The following NKAIN3 variants were observed in gnomAD, a reference collection of about 807,000 sequenced individuals.
The protein encoded by NKAIN3 is sodium/potassium transporting ATPase interacting 3.
A neutral mutation model predicts 30.2 loss-of-function variants in NKAIN3; 25 were observed. That is an observed-to-expected ratio of 0.83 (90% CI 0.60 to 1.16). The LOEUF is 1.16. Ranked by LOEUF, NKAIN3 falls within the 50% of genes most tolerant of loss-of-function variation. The pLI, the probability that NKAIN3 is intolerant of heterozygous loss-of-function variation, is 0.00. For missense variants in NKAIN3, 225 were observed against 254.1 expected (o/e 0.89, Z 0.78); for synonymous variants, 91 against 89.6 (o/e 1.02, Z -0.09).
chr8:62,949,738 A>C (rs1237398500), intron 5 of NKAIN3, among the ~76,000 whole-genome samples: 1 of 151,670 alleles, frequency 6.6e-6, no homozygotes, highest in Non-Finnish European at 1.5e-5. Context: ...TTTTTTTCTA[A>C]AATATATTTT....
At chr8:62,955,102 A>T (rs1197056537) in intron 6 of NKAIN3, among the ~76,000 whole-genome samples, 1 of 152,198 alleles carries the variant, frequency 6.6e-6, no homozygotes, top group East Asian at 1.9e-4. Context: ...AGGATTGAAG[A>T]TCTGAGAAGG....
At chr8:62,928,296 T>C (rs1048350939) in intron 5 of NKAIN3, among the ~76,000 whole-genome samples, 19 of 152,212 alleles carry the variant, frequency 1.2e-4, no homozygotes, top group Admixed American at 1.1e-3. Context: ...ACATTTTTCC[T>C]CATAGAAGGA....
chr8:62,804,390 A>C (rs1818194926), intron 4 of NKAIN3, among the ~76,000 whole-genome samples: 1 of 152,334 alleles, frequency 6.6e-6, no homozygotes, highest in African/African-American at 2.4e-5. Flanking sequence ...ACATTGATGC[A>C]AAAATCCTCA....
intron 4 of NKAIN3, among the ~76,000 whole-genome samples, chr8:62,805,321 C>CA (rs984814343): frequency 3.3e-5 from 5 of 151,492 alleles, no homozygotes; most frequent in African/African-American, 1.2e-4. Flanking sequence ...CATATGGAAC[C>CA]AAAAAAGAGC....
At chr8:62,952,857 A>G (rs1823322106) in intron 5 of NKAIN3, among the ~76,000 whole-genome samples, 1 of 152,294 alleles carries the variant, frequency 6.6e-6, no homozygotes, top group East Asian at 1.9e-4. Flanking sequence ...TGACTTGAGA[A>G]AAGACATTTT....
At chr8:62,834,752 ACTGCC>A (rs1439065114) in intron 4 of NKAIN3, among the ~76,000 whole-genome samples, 1 of 152,068 alleles carries the variant, frequency 6.6e-6, no homozygotes, top group African/African-American at 2.4e-5. Context: ...AAAAGACCAT[ACTGCC>A]CAAAGCAATC....
At chr8:62,446,691 G>T (rs901759199) in intron 1 of NKAIN3, among the ~76,000 whole-genome samples, 2 of 152,012 alleles carry the variant, frequency 1.3e-5, no homozygotes, top group South Asian at 4.1e-4. Flanking sequence ...ACTACGTCAG[G>T]TACCTCATAT....
At chr8:62,882,745 G>A (rs560968826) in intron 4 of NKAIN3, among the ~76,000 whole-genome samples, 1 of 152,154 alleles carries the variant, frequency 6.6e-6, no homozygotes, top group East Asian at 1.9e-4. Flanking sequence ...TAATTTTTAA[G>A]GAGTGTATTC....
At chr8:62,792,556 C>T (rs1035994225) in intron 4 of NKAIN3, among the ~76,000 whole-genome samples, 1 of 4,244 alleles carries the variant, frequency 2.4e-4, no homozygotes, top group Non-Finnish European at 8.4e-4. Flanking sequence ...AAAACATGGT[C>T]CTTGTTCTCA....
chr8:62,672,857 A>T (rs9657077), intron 3 of NKAIN3, among the ~76,000 whole-genome samples: 3,009 of 152,294 alleles, frequency 0.02, 89 homozygotes, highest in African/African-American at 0.068. Flanking sequence ...ATCTAAAAAA[A>T]TTGATTTTTT....
At chr8:62,452,669 A>G (rs1009949065) in intron 1 of NKAIN3, among the ~76,000 whole-genome samples, 3 of 152,208 alleles carry the variant, frequency 2.0e-5, no homozygotes, top group African/African-American at 7.2e-5. Context: ...ACAAAATAAA[A>G]GAGTCTTGAT....
At chr8:62,996,007 G>A (rs943475291) in intron 5 of NKAIN3, among the ~76,000 whole-genome samples, 1 of 152,052 alleles carries the variant, frequency 6.6e-6, no homozygotes, top group Non-Finnish European at 1.5e-5. Flanking sequence ...GAGAACCACT[G>A]GTCCACACCT....
intron 1 of NKAIN3, among the ~76,000 whole-genome samples, chr8:62,354,867 A>G (rs1411448841): frequency 6.6e-6 from 1 of 152,338 alleles, no homozygotes; most frequent in East Asian, 1.9e-4. Context: ...GCAGAGCTGC[A>G]TGGCAGGAGG....
At chr8:62,951,636 T>G (rs1338980459) in intron 5 of NKAIN3, among the ~76,000 whole-genome samples, 1 of 152,086 alleles carries the variant, frequency 6.6e-6, no homozygotes, top group Non-Finnish European at 1.5e-5. Context: ...TTTTTGAATT[T>G]TTTTTTAATG....
chr8:62,733,166 A>G (rs1222950840), intron 3 of NKAIN3, among the ~76,000 whole-genome samples: 1 of 152,086 alleles, frequency 6.6e-6, no homozygotes, highest in East Asian at 1.9e-4. Context: ...GCTACCCTCC[A>G]CCTAAACAAT....
chr8:62,421,143 A>T (rs1162804046), intron 1 of NKAIN3, among the ~76,000 whole-genome samples: 1 of 152,114 alleles, frequency 6.6e-6, no homozygotes, highest in Non-Finnish European at 1.5e-5. Flanking sequence ...CATGAGGTGG[A>T]TATTTCTTCT....
chr8:62,856,484 G>A, intron 4 of NKAIN3: 1 of 784,852 alleles, frequency 1.3e-6, no homozygotes, highest in Non-Finnish European at 2.3e-6. Flanking sequence ...TTCTTCAGGT[G>A]CTTCAAGTCA....
intron 1 of NKAIN3, among the ~76,000 whole-genome samples, chr8:62,279,748 C>G (rs1813105488): frequency 6.6e-6 from 1 of 152,132 alleles, no homozygotes; most frequent in Non-Finnish European, 1.5e-5. Context: ...TGTTTTGGTA[C>G]CAGTACCATG....
At chr8:62,841,935 G>A (rs1002290937) in intron 4 of NKAIN3, among the ~76,000 whole-genome samples, 10 of 152,086 alleles carry the variant, frequency 6.6e-5, no homozygotes, top group African/African-American at 2.4e-4. Flanking sequence ...TAGTGTACAA[G>A]CATTCCCTTT....
Sources: gnomAD v4.1 joint callset for allele counts (sites outside exome capture counted in the v4.1 genomes callset) on GRCh38, gnomAD v4.1.1 for gene constraint, MANE v1.5 for transcripts, NCBI Gene and HGNC (gene_info 2026-07-23, HGNC 2026-07-21) for gene names.